KIF1B: variants seen among roughly 807,000 people sequenced by gnomAD.
KIF1B encodes kinesin-like protein KIF1B.
Under a neutral mutation model 241.9 loss-of-function variants are expected in KIF1B, and 76 were observed. That is an observed-to-expected ratio of 0.31 (90% CI 0.26 to 0.38). KIF1B has a LOEUF of 0.38. KIF1B is among the 10% of genes least tolerant of loss of function. KIF1B has a pLI of 1.00. For missense variants in KIF1B, 1,622 were observed against 2,271.4 expected, an observed-to-expected ratio of 0.71 and a Z score of 5.81; for synonymous variants, 750 against 796.7, an observed-to-expected ratio of 0.94 and a Z score of 0.99.
chr1:10,260,798 C>T (rs1490114241), intron 4 of KIF1B, among the ~76,000 whole-genome samples: 2 of 149,930 alleles, frequency 1.3e-5, no homozygotes, highest in Non-Finnish European at 3.0e-5. Flanking sequence ...ACCCAGGAGA[C>T]GGAGGTTGCA....
intron 22 of KIF1B, among the ~76,000 whole-genome samples, chr1:10,313,432 C>G (rs554233953): frequency 6.6e-6 from 1 of 151,336 alleles, no homozygotes; most frequent in South Asian, 2.1e-4. Context: ...AAGAACACTT[C>G]CTGATACAAA....
In KIF1B at chr1:10,376,526, C is replaced by T; in HGVS notation, c.5409-19C>T. On this transcript the variant is annotated intron_variant, in intron 48 of 48. Transcript: ENST00000676179. The stretch of plus-strand genomic sequence containing the variant: ...TGTACCCAGACTTCTAATCCTACCT[C>T]CCCGTTTGTCCCCCATAGGTCAAAG... The T allele has an allele frequency of 6.2e-7, 1 of 1,613,646 alleles. No homozygotes were observed. Among genetic ancestry groups the T allele is most frequent in the Non-Finnish European group, 8.5e-7 (1 of 1,179,578 alleles).
At chr1:10,284,359 G>T (rs1020462670) in intron 15 of KIF1B, among the ~76,000 whole-genome samples, 8 of 152,078 alleles carry the variant, frequency 5.3e-5, no homozygotes, top group Admixed American at 3.3e-4. Context: ...AGACCCGCTT[G>T]GCCAACAGTG....
At chr1:10,342,320 TTATAGCCACCTAA>T in intron 33 of KIF1B, 152 bp downstream of exon 33, 1 of 682,786 alleles carries the variant, frequency 1.5e-6, no homozygotes, top group Non-Finnish European at 2.6e-6. Flanking sequence ...CACTATCATC[TTATAGCCACCTAA>T]TCACTGATTT....
chr1:10,346,019 A>G, intron 35 of KIF1B, 66 bp downstream of exon 35: 1 of 1,001,864 alleles, frequency 1.0e-6, no homozygotes, highest in Non-Finnish European at 1.6e-6. Context: ...GCAATTTTGA[A>G]TCTTCTTGTA....
chr1:10,310,939 A>G (rs1341311439), intron 22 of KIF1B, among the ~76,000 whole-genome samples: 1 of 151,462 alleles, frequency 6.6e-6, no homozygotes, highest in African/African-American at 2.5e-5. Context: ...ATCAGAAGAA[A>G]CTTTGTTTTC....
intron 37 of KIF1B, among the ~76,000 whole-genome samples, chr1:10,349,186 C>G (rs892503742): frequency 1.3e-5 from 2 of 152,082 alleles, no homozygotes; most frequent in African/African-American, 4.8e-5. Flanking sequence ...TGCCTGTAAT[C>G]CCAGCACTTT....
At chr1:10,343,650 T>A (rs1652482021) in intron 34 of KIF1B, among the ~76,000 whole-genome samples, 1 of 151,998 alleles carries the variant, frequency 6.6e-6, no homozygotes, top group South Asian at 2.1e-4. Context: ...CCCAGCTACT[T>A]GGGAGGCTGA....
chr1:10,309,882 C>T (rs888719655), intron 22 of KIF1B, among the ~76,000 whole-genome samples: 2 of 151,468 alleles, frequency 1.3e-5, no homozygotes, highest in African/African-American at 2.5e-5. Flanking sequence ...TCTCACACCA[C>T]AGACACTCTG....
Position 10,326,507 on chromosome 1 carries a change from T to G in KIF1B, c.2924+148T>G. 1 of 1,063,432 alleles carries G rather than the reference T, an allele frequency of 9.4e-7. No homozygotes were observed. The highest frequency in any genetic ancestry group is 1.4e-6 in the Non-Finnish European group (1 of 705,160). 65.9% of individuals were successfully genotyped at this position (1,063,432 alleles called of 1,614,324 possible). A position where few individuals can be genotyped will look rare whatever the true frequency, so the allele number is the denominator to read the frequency against. Reference sequence around the variant, plus strand: ...GTTCTCCAATACTTCAAGCTCTTAGTCAGTGCTGGTCTGGCTGAGATGGTT... The same window carrying G: ...GTTCTCCAATACTTCAAGCTCTTAGGCAGTGCTGGTCTGGCTGAGATGGTT... On this transcript the variant is annotated intron_variant, in intron 27 of 48. Coordinates refer to ENST00000676179, the MANE Select transcript of KIF1B (RefSeq NM_001365951.3). The surrounding 1 kb of genome is among the most constrained non-coding windows in gnomAD (Gnocchi z 5.2).
chr1:10,230,697 A>G (rs1646968999), intron 1 of KIF1B: 5 of 152,226 alleles, frequency 3.3e-5, no homozygotes, highest in South Asian at 2.1e-4. Context: ...CGGCCTCCCA[A>G]AGTGCTGGGA....
Position 10,267,567 on chromosome 1 carries a change from G to A in KIF1B, c.608+9G>A. ...GCTGGGAACAAAGCCAGGTATGGTA[G>A]GAAATAGAGTAATGACTGAGGTCTT... On this transcript the variant is annotated intron_variant, in intron 6 of 48. Transcript: ENST00000676179. 4 of 1,608,368 alleles carry A rather than the reference G, an allele frequency of 2.5e-6. No individual in the cohort carries two copies. The highest frequency in any genetic ancestry group is 2.6e-6 in the Non-Finnish European group (3 of 1,174,560).
At chr1:10,259,988 G>T (rs751146248) in intron 4 of KIF1B, among the ~76,000 whole-genome samples, 39 of 152,180 alleles carry the variant, frequency 2.6e-4, no homozygotes, top group South Asian at 1.2e-3. Context: ...TGAGAAGATT[G>T]TATTTAAAAT....
chr1:10,241,138 G>T (rs1647131238), intron 2 of KIF1B, among the ~76,000 whole-genome samples: 1 of 152,034 alleles, frequency 6.6e-6, no homozygotes, highest in South Asian at 2.1e-4. Context: ...TGTGAGACGA[G>T]GTCTTGCTCT....
At chr1:10,313,619 C>T (rs1466634205) in intron 22 of KIF1B, among the ~76,000 whole-genome samples, 8 of 140,916 alleles carry the variant, frequency 5.7e-5, no homozygotes, top group East Asian at 2.1e-4. Context: ...GGCGCAATCT[C>T]GGCTCACTGC....
At position 10,244,627 on chromosome 1, in the gene KIF1B, TTTTGAGACGGAGTC is replaced by T. The variant is rs1456337339; in HGVS notation, c.107-11617_107-11604del. On this transcript the variant is annotated intron_variant, in intron 2 of 48. Coordinates refer to ENST00000676179, the MANE Select transcript of KIF1B (RefSeq NM_001365951.3). Reference sequence around the variant, plus strand: ...GCGCCCGGCCCTCCTTTTTTTTTTTTTTTGAGACGGAGTCTTGCTCTGTCGCCCAGGCTGGAGTG... The same window carrying T: ...GCGCCCGGCCCTCCTTTTTTTTTTTTTTGCTCTGTCGCCCAGGCTGGAGTG... 3.4e-5 allele frequency among the ~76,000 whole-genome samples: 5 copies of T among 146,458 alleles called. No homozygotes were observed. In the South Asian group the frequency reaches 1.1e-3, roughly 32 times the overall value.
At chr1:10,333,799 G>T (rs1182217347) in intron 27 of KIF1B, among the ~76,000 whole-genome samples, 1 of 151,800 alleles carries the variant, frequency 6.6e-6, no homozygotes, top group African/African-American at 2.4e-5. Flanking sequence ...TTGTCTCCTG[G>T]TTTCTGTTTT....
intron 38 of KIF1B, among the ~76,000 whole-genome samples, chr1:10,357,861 T>C (rs1383805263): frequency 6.6e-6 from 1 of 151,646 alleles, no homozygotes; most frequent in Non-Finnish European, 1.5e-5. Flanking sequence ...ATAAAAAAAT[T>C]AGCCAGACTT....
chr1:10,361,996 TGATG>T (rs2102345908), intron 40 of KIF1B, among the ~76,000 whole-genome samples, 171 bp downstream of exon 40: 1 of 152,324 alleles, frequency 6.6e-6, no homozygotes, highest in East Asian at 1.9e-4. Context: ...AATAAAATGT[TGATG>T]GATGGACGAG....
Sources: allele counts gnomAD v4.1 joint callset (sites outside exome capture counted in the v4.1 genomes callset), GRCh38; gene constraint gnomAD v4.1.1; non-coding constraint Gnocchi (gnomAD v3.1); transcripts MANE v1.5; gene names NCBI Gene and HGNC (gene_info 2026-07-23, HGNC 2026-07-21).